The following DCC variants were observed in gnomAD, a reference collection of about 807,000 sequenced individuals.
DCC encodes the protein DCC netrin 1 receptor.
DCC carries 58 observed loss-of-function variants against 172.5 expected under a neutral mutation model. The ratio of observed to expected loss-of-function variants is 0.34; its 90% CI spans 0.27 to 0.42. DCC has a LOEUF of 0.42. Among genes scored for constraint, DCC ranks in the 10% least tolerant of loss-of-function variants. The pLI is 1.00. For missense variants in DCC, 1,740 were observed against 1,791.0 expected, an observed-to-expected ratio of 0.97 and a Z score of 0.51; for synonymous variants, 709 against 644.5, an observed-to-expected ratio of 1.10 and a Z score of -1.52.
chr18:52,670,978 G>T (rs1190574849), intron 1 of DCC, among the ~76,000 whole-genome samples: 1 of 152,136 alleles, frequency 6.6e-6, no homozygotes, highest in African/African-American at 2.4e-5. Context: ...ATAATTTTGT[G>T]TTTTCTTCCA....
rs186361088 is a variant in DCC, at chr18:52,435,278, C to T, written c.91+94400C>T. On this transcript the variant is annotated intron_variant, in intron 1 of 28. Coordinates refer to ENST00000442544, the MANE Select transcript of DCC (RefSeq NM_005215.4). ...TTCTGCACCAAGAAACTCCCAGTCCCTCTTGCCTGTGTGTGTGTGTGCACG... is the reference window on the plus strand; with the variant it reads ...TTCTGCACCAAGAAACTCCCAGTCCTTCTTGCCTGTGTGTGTGTGTGCACG... 5.0e-3 allele frequency among the ~76,000 whole-genome samples: 755 copies of T among 152,264 alleles called. 7 individuals carry two copies. The highest frequency in any genetic ancestry group is 0.017 in the African/African-American group (705 of 41,544).
intron 8 of DCC, among the ~76,000 whole-genome samples, chr18:53,175,107 C>A (rs1453284270): frequency 6.6e-6 from 1 of 152,002 alleles, no homozygotes; most frequent in Non-Finnish European, 1.5e-5. Context: ...GCAGAAAAAG[C>A]CTTTGACAAA....
At chr18:52,641,865 G>A (rs923179658) in intron 1 of DCC, among the ~76,000 whole-genome samples, 5 of 151,836 alleles carry the variant, frequency 3.3e-5, no homozygotes, top group African/African-American at 1.2e-4. Flanking sequence ...CCACTACTGG[G>A]TATCTACCTA....
chr18:52,926,438 A>C (rs968946774), intron 5 of DCC, among the ~76,000 whole-genome samples: 2 of 151,850 alleles, frequency 1.3e-5, no homozygotes, highest in Non-Finnish European at 2.9e-5. Flanking sequence ...GTAGTATTAT[A>C]CTAACTAAAA....
intron 7 of DCC, among the ~76,000 whole-genome samples, chr18:53,114,271 G>A (rs1321255618): frequency 6.8e-6 from 1 of 147,784 alleles, no homozygotes; most frequent in Non-Finnish European, 1.5e-5. Flanking sequence ...CCCAAGTAAT[G>A]TCTTAAAAAG....
At chr18:53,124,969 C>CA (rs34682402) in intron 7 of DCC, among the ~76,000 whole-genome samples, 196 of 137,728 alleles carry the variant, frequency 1.4e-3, no homozygotes, top group East Asian at 4.2e-3. Context: ...GACTCCATCT[C>CA]AAAAAAAAAA....
At chr18:53,367,389 C>T (rs2058018347) in intron 15 of DCC, among the ~76,000 whole-genome samples, 1 of 152,014 alleles carries the variant, frequency 6.6e-6, no homozygotes, top group Admixed American at 6.6e-5. Flanking sequence ...TATATTTTTA[C>T]AATATTTTTG....
chr18:52,435,895 C>T (rs1987778639), intron 1 of DCC, among the ~76,000 whole-genome samples: 1 of 152,164 alleles, frequency 6.6e-6, no homozygotes, highest in South Asian at 2.1e-4. Flanking sequence ...GTCCCATCTC[C>T]AATCAAATAT....
intron 15 of DCC, among the ~76,000 whole-genome samples, chr18:53,365,493 G>A (rs887794114): frequency 1.3e-5 from 2 of 150,828 alleles, no homozygotes; most frequent in Non-Finnish European, 2.9e-5. Flanking sequence ...TTTTCTGAGT[G>A]AGCATAAATA....
chr18:53,005,651 C>G lies in DCC; in HGVS notation c.986-57654C>G, dbSNP rs1334145249. Among the ~76,000 whole-genome samples the G allele has an allele frequency of 2.0e-5, 3 of 152,234 alleles. No individual in the cohort carries two copies. In the East Asian group the frequency reaches 5.8e-4, roughly 29 times the overall value. On this transcript the variant is annotated intron_variant, in intron 5 of 28. Coordinates refer to ENST00000442544, the MANE Select transcript of DCC (RefSeq NM_005215.4). ...ACTGAGCCAGGAGAATCGATTGAACCCCAGAGGTGGAGCTTGCAGTGAGCT... is the reference window on the plus strand; with the variant it reads ...ACTGAGCCAGGAGAATCGATTGAACGCCAGAGGTGGAGCTTGCAGTGAGCT...
At chr18:53,244,630 T>C (rs59120718) in intron 12 of DCC, among the ~76,000 whole-genome samples, 6,427 of 152,126 alleles carry the variant, frequency 0.042, 419 homozygotes, top group African/African-American at 0.14. Flanking sequence ...CATTTGGGAC[T>C]GTTCACTTAT....
intron 5 of DCC, among the ~76,000 whole-genome samples, chr18:52,939,155 A>G (rs911156877): frequency 4.6e-5 from 7 of 152,284 alleles, no homozygotes; most frequent in Non-Finnish European, 1.0e-4. Flanking sequence ...ATCTATCAAT[A>G]TAGCTCCTGC....
chr18:53,412,722 T>C (rs1421844977), intron 20 of DCC, among the ~76,000 whole-genome samples: 1 of 152,148 alleles, frequency 6.6e-6, no homozygotes, highest in African/African-American at 2.4e-5. Flanking sequence ...CATTCCTTCA[T>C]ATTTAGCCTT....
At chr18:52,876,303 G>A (rs2039402123) in intron 2 of DCC, among the ~76,000 whole-genome samples, 1 of 152,072 alleles carries the variant, frequency 6.6e-6, no homozygotes, top group African/African-American at 2.4e-5. Flanking sequence ...TTCCACTTTG[G>A]TGCTGATCTA....
intron 1 of DCC, among the ~76,000 whole-genome samples, chr18:52,700,234 T>G (rs558057904): frequency 1.1e-3 from 124 of 115,402 alleles, no homozygotes; most frequent in Non-Finnish European, 1.8e-3. Context: ...ACATGCACAC[T>G]CACATGCACA....
chr18:53,176,284 TAAAACACCAAAAGCAATGGCAACA>T (rs1241052391), intron 8 of DCC, among the ~76,000 whole-genome samples: 2 of 130,880 alleles, frequency 1.5e-5, no homozygotes, highest in Non-Finnish European at 3.2e-5. Context: ...ACTTCATGTC[TAAAACACCAAAAGCAATGGCAACA>T]AAAGCCAAAA....
intron 1 of DCC, among the ~76,000 whole-genome samples, chr18:52,672,050 A>G (rs955371176): frequency 3.9e-5 from 6 of 152,188 alleles, no homozygotes; most frequent in African/African-American, 1.4e-4. Flanking sequence ...ATAACCAATC[A>G]GTTTAGGTAA....
intron 5 of DCC, among the ~76,000 whole-genome samples, chr18:52,996,714 C>T (rs2041485374): frequency 6.6e-6 from 1 of 151,446 alleles, no homozygotes; most frequent in South Asian, 2.1e-4. Context: ...ATAAGTTCAC[C>T]CCACCTTGCC....
intron 12 of DCC, among the ~76,000 whole-genome samples, chr18:53,268,024 C>T (rs1378524862): frequency 1.3e-5 from 2 of 152,158 alleles, no homozygotes; most frequent in East Asian, 3.8e-4. Flanking sequence ...CACCTTATTG[C>T]AAACTTATTA....
Sources: gnomAD v4.1 joint callset for allele counts (sites outside exome capture counted in the v4.1 genomes callset) on GRCh38, gnomAD v4.1.1 for gene constraint, MANE v1.5 for transcripts, NCBI Gene and HGNC (gene_info 2026-07-23, HGNC 2026-07-21) for gene names.